Variants in OSBPL3 observed in about 807,000 individuals in gnomAD.
OSBPL3 encodes the protein oxysterol binding protein like 3, also known as oxysterol-binding protein-related protein 3.
OSBPL3 carries 65 observed loss-of-function variants against 120.1 expected under a neutral mutation model. The observed-to-expected ratio is 0.54, with a 90% confidence interval of 0.44 to 0.67. The LOEUF is 0.67. Among genes scored for constraint, OSBPL3 ranks in the 30% least tolerant of loss-of-function variants. The probability of loss-of-function intolerance (pLI) is 0.00; values close to 1 mark genes in which losing one functional copy is unlikely to be tolerated. For synonymous variants in OSBPL3, 416 were observed against 402.6 expected, an observed-to-expected ratio of 1.03 and a Z score of -0.40; for missense variants, 1,004 against 1,082.1, an observed-to-expected ratio of 0.93 and a Z score of 1.01.
rs948652511 is a variant in OSBPL3, at chr7:24,871,710, C to G, written c.267+32G>C. Reference sequence around the variant, plus strand: ...TGATGGTTACCCCTTTAGGATTCTTCAATACCACAGTGGGCCCACAAAAAG... The same window carrying G: ...TGATGGTTACCCCTTTAGGATTCTTGAATACCACAGTGGGCCCACAAAAAG... On this transcript the variant is annotated intron_variant, in intron 4 of 22. Coordinates refer to ENST00000313367, the MANE Select transcript of OSBPL3 (RefSeq NM_015550.4). The surrounding 1 kb of genome is among the most constrained non-coding windows in gnomAD (Gnocchi z 4.8). The G allele has an allele frequency of 1.3e-6, 2 of 1,558,292 alleles. No individual in the cohort carries two copies. Among genetic ancestry groups the G allele is most frequent in the Admixed American group, 3.4e-5 (2 of 59,628 alleles).
At position 24,932,780 on chromosome 7, in the gene OSBPL3, G is replaced by A. The variant is rs947448143; in HGVS notation, c.-149-40159C>T. 1.3e-5 allele frequency among the ~76,000 whole-genome samples: 2 copies of A among 152,178 alleles called. No homozygotes were observed. Among genetic ancestry groups the A allele is most frequent in the African/African-American group, 2.4e-5 (1 of 41,442 alleles). On this transcript the variant is annotated intron_variant, in intron 1 of 22. Coordinates refer to ENST00000313367, the MANE Select transcript of OSBPL3 (RefSeq NM_015550.4). This position sits in a 1 kb window ranked among gnomAD's most constrained non-coding sequence, Gnocchi z 5.6. ...GCTATTTTGTTAGAGCAGCCCAAAT[G>A]GACTAAGACAGGGGCAAAGACCAAA...
rs1047600462 is a variant in OSBPL3, at chr7:24,797,315, A to G, written c.*2868T>C. ...AAATGACGTAAACATTAAAAAATAT[A>G]TTAGTTTGTATATTTCCCCCAGGAA... On this transcript the variant is annotated 3_prime_UTR_variant, in exon 23 of 23. Transcript: ENST00000313367. This position sits in a 1 kb window ranked among gnomAD's most constrained non-coding sequence, Gnocchi z 4.8. The G allele has an allele frequency of 2.0e-5, 3 of 152,196 alleles. No individual in the cohort carries two copies. Among genetic ancestry groups the G allele is most frequent in the Non-Finnish European group, 4.4e-5 (3 of 68,030 alleles). 9.4% of individuals were successfully genotyped at this position (152,196 alleles called of 1,614,324 possible). A position where few individuals can be genotyped will look rare whatever the true frequency, so the allele number is the denominator to read the frequency against.
At chr7:24,840,616 A>C (rs1797624061) in intron 14 of OSBPL3, 74 bp downstream of exon 14, 2 of 619,268 alleles carry the variant, frequency 3.2e-6, no homozygotes, top group Non-Finnish European at 5.6e-6. Flanking sequence ...ATATTGTTCA[A>C]GAGTCAACTA....
At chr7:24,945,097 A>G (rs1438796252) in intron 1 of OSBPL3, among the ~76,000 whole-genome samples, 2 of 152,192 alleles carry the variant, frequency 1.3e-5, no homozygotes, top group Non-Finnish European at 2.9e-5. Context: ...CACCTATATT[A>G]TCTTAAGTAA....
In OSBPL3 at chr7:24,852,531, G is replaced by T; in HGVS notation, c.1131C>A (p.Val377=). Reference sequence around the variant, plus strand: ...ATGACAGGGCGTTCTTCAGACCAATGACCTGAGCAGACGGGGAGGAGGAGG... The same window carrying T: ...ATGACAGGGCGTTCTTCAGACCAATTACCTGAGCAGACGGGGAGGAGGAGG... ...QDASSSPSAQ[V]IGLKNALSSA... is the part of the protein sequence containing the mutation. Residue 377 remains valine (V), a synonymous_variant, in exon 11 of 23, where the codon GTC becomes GTA. Transcript: ENST00000313367. The surrounding 1 kb of genome is among the most constrained non-coding windows in gnomAD (Gnocchi z 4.1). The T allele has an allele frequency of 6.3e-7, 1 of 1,599,966 alleles. No homozygotes were observed. Among genetic ancestry groups the T allele is most frequent in the Non-Finnish European group, 8.5e-7 (1 of 1,176,720 alleles).
rs776341814 is a variant in OSBPL3 at position 24,805,772 on chromosome 7, C to T, written c.2444+1004G>A. Among the ~76,000 whole-genome samples the T allele has an allele frequency of 6.6e-6, 1 of 152,154 alleles. No homozygotes were observed. Among genetic ancestry groups the T allele is most frequent in the Admixed American group, 6.5e-5 (1 of 15,282 alleles). ...ATCTCTTTTAGGCATTTGCTAACAA[C>T]AGTGTTCAATCCCTGCAAAATGAAT... On this transcript the variant is annotated intron_variant, in intron 21 of 22. Transcript: ENST00000313367. This position sits in a 1 kb window ranked among gnomAD's most constrained non-coding sequence, Gnocchi z 4.0.
intron 12 of OSBPL3, among the ~76,000 whole-genome samples, chr7:24,848,326 T>G (rs1798690581): frequency 6.6e-6 from 1 of 152,256 alleles, no homozygotes. Flanking sequence ...TTAAGTGTAC[T>G]CAGTCTAATT....
At position 24,922,179 on chromosome 7, in the gene OSBPL3, A is replaced by G. The variant is rs1810468544; in HGVS notation, c.-149-29558T>C. Among the ~76,000 whole-genome samples the G allele has an allele frequency of 1.3e-5, 2 of 152,242 alleles. No individual in the cohort carries two copies. Among genetic ancestry groups the G allele is most frequent in the South Asian group, 4.1e-4 (2 of 4,834 alleles). ...GGATTGGCCTGGCCTCAGAAAAGAC[A>G]TTATTTAGGTGAGAAACAGAAAATA... On this transcript the variant is annotated intron_variant, in intron 1 of 22. Coordinates refer to ENST00000313367, the MANE Select transcript of OSBPL3 (RefSeq NM_015550.4). This position sits in a 1 kb window ranked among gnomAD's most constrained non-coding sequence, Gnocchi z 4.3.
chr7:24,979,634 C>T (rs1353167936), intron 1 of OSBPL3, among the ~76,000 whole-genome samples: 2 of 152,126 alleles, frequency 1.3e-5, no homozygotes, highest in Admixed American at 6.5e-5. Context: ...GGTCAATCCT[C>T]TGAGCCGTCC....
rs1297859070 is a variant in OSBPL3 at position 24,894,497 on chromosome 7, T to C, written c.-149-1876A>G. 1.7e-5 allele frequency among the ~76,000 whole-genome samples: 1 copy of C among 57,832 alleles called. No individual in the cohort carries two copies. The highest frequency in any genetic ancestry group is 3.5e-5 in the Non-Finnish European group (1 of 28,522). 37.9% of individuals were successfully genotyped at this position (57,832 alleles called of 152,430 possible). A position where few individuals can be genotyped will look rare whatever the true frequency, so the allele number is the denominator to read the frequency against. ...GAAAAGCAGTGTTGGCTGTTGCTGT[T>C]TGAGAAAGAAAAAAAAAAAATCAAA... is the stretch of plus-strand genomic sequence containing the variant. On this transcript the variant is annotated intron_variant, in intron 1 of 22. Coordinates refer to ENST00000313367, the MANE Select transcript of OSBPL3 (RefSeq NM_015550.4). This position sits in a 1 kb window ranked among gnomAD's most constrained non-coding sequence, Gnocchi z 4.1.
Position 24,883,335 on chromosome 7 carries a change from G to A in OSBPL3, c.96+9042C>T, listed in dbSNP as rs1804002779. On this transcript the variant is annotated intron_variant, in intron 2 of 22. Transcript: ENST00000313367. This position sits in a 1 kb window ranked among gnomAD's most constrained non-coding sequence, Gnocchi z 5.4. ...GTGCCTCTGTCCTACTTCTTGCACT[G>A]TCACTTCTGGACCTTTAGTATTTTA... is the stretch of plus-strand genomic sequence containing the variant. Among the ~76,000 whole-genome samples, 1 of 152,176 alleles carries A rather than the reference G, an allele frequency of 6.6e-6. No individual in the cohort carries two copies. Among genetic ancestry groups the A allele is most frequent in the Non-Finnish European group, 1.5e-5 (1 of 68,048 alleles).
At chr7:24,944,501 G>A (rs1436921619) in intron 1 of OSBPL3, among the ~76,000 whole-genome samples, 8 of 151,886 alleles carry the variant, frequency 5.3e-5, no homozygotes, top group African/African-American at 1.5e-4. Flanking sequence ...ATGGTGGCAC[G>A]TACCTGTAAT....
intron 1 of OSBPL3, among the ~76,000 whole-genome samples, chr7:24,971,422 G>C (rs1011841020): frequency 1.3e-5 from 2 of 152,236 alleles, no homozygotes; most frequent in South Asian, 2.1e-4. Flanking sequence ...ACAGCTCCGT[G>C]GAATGGAAAG....
chr7:24,807,904 C>CT (rs946945427), intron 20 of OSBPL3, among the ~76,000 whole-genome samples: 11 of 150,926 alleles, frequency 7.3e-5, no homozygotes, highest in African/African-American at 2.4e-4. Context: ...CAGACCCCCC[C>CT]TTTTTTTTTA....
chr7:24,956,021 A>G (rs17296878), intron 1 of OSBPL3, among the ~76,000 whole-genome samples: 1,862 of 152,298 alleles, frequency 0.012, 10 homozygotes, highest in Middle Eastern at 0.031. Context: ...TTTCCACTTT[A>G]TATTCTAGAT....
rs765117918 is a variant in OSBPL3, at chr7:24,888,983, C to T, written c.96+3394G>A. 7.2e-5 allele frequency among the ~76,000 whole-genome samples: 11 copies of T among 152,316 alleles called. No homozygotes were observed. In the South Asian group the frequency reaches 1.0e-3, roughly 14 times the overall value. On this transcript the variant is annotated intron_variant, in intron 2 of 22. Coordinates refer to ENST00000313367, the MANE Select transcript of OSBPL3 (RefSeq NM_015550.4). ...AGTTCATGCATTTAATGCCCCTTCC[C>T]TATTGCCACTCTCACTCCAAATATG...
At chr7:24,884,396 CCACTGA>C (rs1211820776) in intron 2 of OSBPL3, among the ~76,000 whole-genome samples, 1 of 151,900 alleles carries the variant, frequency 6.6e-6, no homozygotes, top group Non-Finnish European at 1.5e-5. Flanking sequence ...ATTACAGACC[CCACTGA>C]GTTGTGCTGA....
chr7:24,862,325 A>C lies in OSBPL3; in HGVS notation c.871-556T>G, dbSNP rs929335872. On this transcript the variant is annotated intron_variant, in intron 9 of 22. Transcript: ENST00000313367. The surrounding 1 kb of genome is among the most constrained non-coding windows in gnomAD (Gnocchi z 4.4). ...CTTTTGGAAATGATAGAAGCATTAA[A>C]GCTATAGGTTGAAAATGACAGCTAA... Among the ~76,000 whole-genome samples, 1 of 152,262 alleles carries C rather than the reference A, an allele frequency of 6.6e-6. No individual in the cohort carries two copies. Among genetic ancestry groups the C allele is most frequent in the Non-Finnish European group, 1.5e-5 (1 of 68,044 alleles).
intron 16 of OSBPL3, among the ~76,000 whole-genome samples, chr7:24,829,553 A>G (rs917180807): frequency 6.6e-6 from 1 of 152,176 alleles, no homozygotes; most frequent in African/African-American, 2.4e-5. Context: ...GCAGCAAGAT[A>G]AAAGAATATT....
Sources: allele counts gnomAD v4.1 joint callset (sites outside exome capture counted in the v4.1 genomes callset), GRCh38; gene constraint gnomAD v4.1.1; non-coding constraint Gnocchi (gnomAD v3.1); transcripts MANE v1.5; gene names NCBI Gene and HGNC (gene_info 2026-07-23, HGNC 2026-07-21).